GRIN2A: variants seen among roughly 807,000 people sequenced by gnomAD.
GRIN2A encodes the protein glutamate ionotropic receptor NMDA type subunit 2A, also known as glutamate receptor ionotropic, NMDA 2A.
A neutral mutation model predicts 113.4 loss-of-function variants in GRIN2A; 22 were observed. That is an observed-to-expected ratio of 0.19 (90% CI 0.14 to 0.28). GRIN2A has a LOEUF of 0.28. Ranked by LOEUF, GRIN2A falls within the 10% of genes least tolerant of loss-of-function variation. GRIN2A has a pLI of 1.00. For synonymous variants in GRIN2A, 827 were observed against 738.4 expected (o/e 1.12, Z -1.94); for missense variants, 1,502 against 1,887.0 (o/e 0.80, Z 3.78).
rs143569229 is a variant in GRIN2A, at chr16:9,817,367, C to T, written c.2168+4897G>A. 5.1e-3 allele frequency among the ~76,000 whole-genome samples: 770 copies of T among 152,218 alleles called. 3 individuals are homozygous for T. The highest frequency in any genetic ancestry group is 0.017 in the African/African-American group (719 of 41,536). ...ACAGGCTCCATAGCTAGAGAGAAAG[C>T]CTTGTCCTGGGCCCAGGAATCTGCA... On this transcript the variant is annotated intron_variant, in intron 10 of 12. Transcript: ENST00000330684.
intron 2 of GRIN2A, among the ~76,000 whole-genome samples, chr16:10,049,720 T>A (rs997925988): frequency 6.6e-6 from 1 of 152,144 alleles, no homozygotes; most frequent in African/African-American, 2.4e-5. Flanking sequence ...CCCTCCTGAT[T>A]TTTTTCCATT....
chr16:10,138,360 G>T (rs1312420328), intron 2 of GRIN2A, among the ~76,000 whole-genome samples: 1 of 152,134 alleles, frequency 6.6e-6, no homozygotes, highest in African/African-American at 2.4e-5. Context: ...TCACCGCTTG[G>T]CATGGCTGGG....
At chr16:9,822,954 C>G (rs146318048) in intron 9 of GRIN2A, among the ~76,000 whole-genome samples, 32 of 152,348 alleles carry the variant, frequency 2.1e-4, no homozygotes, top group Admixed American at 6.5e-4. Flanking sequence ...TCTCCACTCA[C>G]TCAGTCATTC....
In GRIN2A at chr16:9,769,058, G is replaced by C. The variant is rs1366607585; in HGVS notation, c.2388C>G (p.Leu796=). 2 of 1,614,058 alleles carry C rather than the reference G, an allele frequency of 1.2e-6. No individual in the cohort carries two copies. The highest frequency in any genetic ancestry group is 8.5e-7 in the Non-Finnish European group (1 of 1,179,924). Residue 796 remains leucine, a synonymous_variant, in exon 12 of 13, where the codon CTC becomes CTG. Transcript: ENST00000330684. ...GEMEELETLW[L]TGICHNEKNE... ...TCTTCTCGTTGTGGCAGATCCCAGT[G>C]AGCCACAGGGTCTCCAGCTCCTCCA... is the stretch of plus-strand genomic sequence containing the variant.
chr16:10,160,713 T>G (rs537075990), intron 2 of GRIN2A, among the ~76,000 whole-genome samples: 1 of 152,352 alleles, frequency 6.6e-6, no homozygotes, highest in African/African-American at 2.4e-5. Context: ...CAGATTTGTT[T>G]AAGAAACAAA....
chr16:9,823,583 CAAT>C (rs1385361325), intron 9 of GRIN2A, among the ~76,000 whole-genome samples: 1 of 152,178 alleles, frequency 6.6e-6, no homozygotes, highest in Non-Finnish European at 1.5e-5. Flanking sequence ...GTAATAACAA[CAAT>C]GACTAACACT....
chr16:9,859,460 A>G (rs1314978044), intron 4 of GRIN2A, among the ~76,000 whole-genome samples: 1 of 152,060 alleles, frequency 6.6e-6, no homozygotes, highest in Non-Finnish European at 1.5e-5. Context: ...ATTCCTATAC[A>G]TCTATACATG....
chr16:10,065,361 G>A (rs187468287), intron 2 of GRIN2A, among the ~76,000 whole-genome samples: 140 of 152,170 alleles, frequency 9.2e-4, no homozygotes, highest in African/African-American at 2.9e-3. Context: ...ATTCTATTTC[G>A]GCCTCCTTGT....
At chr16:9,791,819 A>G (rs895723790) in intron 11 of GRIN2A, among the ~76,000 whole-genome samples, 48 of 152,186 alleles carry the variant, frequency 3.2e-4, no homozygotes, top group Admixed American at 3.9e-4. Flanking sequence ...AGGACTCAGG[A>G]TGCCAACACT....
At chr16:10,074,514 T>A (rs559407742) in intron 2 of GRIN2A, among the ~76,000 whole-genome samples, 2 of 152,200 alleles carry the variant, frequency 1.3e-5, no homozygotes, top group Non-Finnish European at 2.9e-5. Flanking sequence ...ATAAACAAGA[T>A]ATGATATGGC....
At chr16:9,882,440 G>A (rs1364508589) in intron 4 of GRIN2A, among the ~76,000 whole-genome samples, 1 of 152,042 alleles carries the variant, frequency 6.6e-6, no homozygotes, top group African/African-American at 2.4e-5. Context: ...AACATATGGG[G>A]TGCATCCCCT....
intron 3 of GRIN2A, among the ~76,000 whole-genome samples, chr16:9,936,274 T>C (rs1013497901): frequency 3.3e-5 from 5 of 152,218 alleles, no homozygotes; most frequent in African/African-American, 9.7e-5. Flanking sequence ...GTAATTTGTG[T>C]CTTAACAAGT....
intron 2 of GRIN2A, among the ~76,000 whole-genome samples, chr16:10,118,343 G>T (rs984761117): frequency 1.3e-5 from 2 of 151,252 alleles, no homozygotes; most frequent in African/African-American, 2.4e-5. Context: ...GGGAACTATG[G>T]TCACCCCCAC....
intron 4 of GRIN2A, among the ~76,000 whole-genome samples, chr16:9,865,169 G>A (rs1339753301): frequency 1.3e-5 from 2 of 152,178 alleles, no homozygotes; most frequent in African/African-American, 2.4e-5. Context: ...ACAGTAATAA[G>A]CTTAACGACA....
chr16:9,813,876 G>C (rs1024628640), intron 10 of GRIN2A, among the ~76,000 whole-genome samples: 1 of 152,158 alleles, frequency 6.6e-6, no homozygotes, highest in South Asian at 2.1e-4. Flanking sequence ...ATTTAGAACA[G>C]CTCACTGAAC....
At chr16:9,999,306 C>G (rs945181656) in intron 2 of GRIN2A, among the ~76,000 whole-genome samples, 5 of 152,150 alleles carry the variant, frequency 3.3e-5, no homozygotes, top group African/African-American at 1.2e-4. Flanking sequence ...CTCTAAACAG[C>G]ATTTTGTAAT....
intron 2 of GRIN2A, among the ~76,000 whole-genome samples, chr16:10,050,789 G>A (rs1390357027): frequency 6.6e-6 from 1 of 152,106 alleles, no homozygotes; most frequent in Non-Finnish European, 1.5e-5. Flanking sequence ...CAAAAAGATT[G>A]AGGACCACTG....
intron 2 of GRIN2A, among the ~76,000 whole-genome samples, chr16:10,031,085 A>G (rs936116567): frequency 5.9e-5 from 9 of 152,234 alleles, no homozygotes; most frequent in African/African-American, 2.2e-4. Flanking sequence ...GAAGAAGCCT[A>G]CGCTGGAATC....
chr16:10,032,711 G>A (rs1021814511), intron 2 of GRIN2A, among the ~76,000 whole-genome samples: 6 of 152,126 alleles, frequency 3.9e-5, no homozygotes, highest in African/African-American at 1.2e-4. Flanking sequence ...GTTTAATGCC[G>A]GTCTCCACTC....
Sources: allele counts gnomAD v4.1 joint callset (sites outside exome capture counted in the v4.1 genomes callset), GRCh38; gene constraint gnomAD v4.1.1; transcripts MANE v1.5; gene names NCBI Gene and HGNC (gene_info 2026-07-23, HGNC 2026-07-21).